PLXNC1: variants seen among roughly 807,000 people sequenced by gnomAD.
PLXNC1 encodes the protein plexin-C1.
PLXNC1 carries 75 observed loss-of-function variants against 178.2 expected under a neutral mutation model. That is an observed-to-expected ratio of 0.42 (90% confidence interval 0.35 to 0.51). The LOEUF is 0.51. PLXNC1 is among the 20% of genes least tolerant of loss of function. PLXNC1 has a pLI of 0.02. For synonymous variants in PLXNC1, 790 were observed against 779.9 expected, an observed-to-expected ratio of 1.01 and a Z score of -0.22; for missense variants, 1,503 against 1,984.4, an observed-to-expected ratio of 0.76 and a Z score of 4.61.
intron 4 of PLXNC1, among the ~76,000 whole-genome samples, chr12:94,207,232 TTA>T (rs558392025): frequency 6.6e-6 from 1 of 152,074 alleles, no homozygotes; most frequent in African/African-American, 2.4e-5. Context: ...GGTTGTTTTT[TTA>T]TATATATATA....
intron 9 of PLXNC1, among the ~76,000 whole-genome samples, chr12:94,229,818 A>T (rs901805399): frequency 3.3e-5 from 5 of 152,216 alleles, no homozygotes; most frequent in African/African-American, 1.2e-4. Flanking sequence ...TAAATTTTGA[A>T]ATCAGGAAAT....
chr12:94,196,242 C>T (rs1962908078), intron 4 of PLXNC1, among the ~76,000 whole-genome samples: 1 of 152,134 alleles, frequency 6.6e-6, no homozygotes, highest in African/African-American at 2.4e-5. Context: ...GAAATGTGAC[C>T]TCCAGTACTG....
chr12:94,253,428 A>C (rs1236284010), intron 15 of PLXNC1, among the ~76,000 whole-genome samples: 2 of 152,120 alleles, frequency 1.3e-5, no homozygotes, highest in African/African-American at 2.4e-5. Context: ...GCTAGAAAAA[A>C]ATGAGCCTTT....
intron 23 of PLXNC1, among the ~76,000 whole-genome samples, chr12:94,292,526 A>G (rs1967441120): frequency 6.6e-6 from 1 of 152,240 alleles, no homozygotes; most frequent in African/African-American, 2.4e-5. Context: ...AAAAAATGTC[A>G]CAGGTTGAAT....
intron 26 of PLXNC1, 127 bp from the exon 27 acceptor site, chr12:94,298,505 T>G (rs1270191068): frequency 7.8e-6 from 6 of 773,328 alleles, no homozygotes; most frequent in Non-Finnish European, 1.2e-5. Flanking sequence ...TACATTTTTC[T>G]CTTCAGTTTG....
intron 10 of PLXNC1, among the ~76,000 whole-genome samples, chr12:94,239,833 G>A (rs1257355690): frequency 2.0e-5 from 3 of 152,210 alleles, no homozygotes; most frequent in Non-Finnish European, 4.4e-5. Flanking sequence ...TGGGCTCTTG[G>A]TTTAGGCCCC....
At chr12:94,206,596 A>G (rs913582306) in intron 4 of PLXNC1, among the ~76,000 whole-genome samples, 11 of 151,962 alleles carry the variant, frequency 7.2e-5, no homozygotes, top group African/African-American at 2.7e-4. Context: ...TCATGAAAGT[A>G]TTAGCTCTAA....
Position 94,240,544 on chromosome 12 carries a change from G to T in PLXNC1, c.2180G>T (p.Arg727Leu). ...ATGAAATTCTCTCTTCCATCAAGCC[G>T]GAAAGAAATGAAGGATGTGTGTATC... ...THMKFSLPSS[R>L]KEMKDVCIQF... The change falls in exon 11 of 31, where the codon CGG becomes CTG. Residue 727 changes from arginine (R) to leucine (L), a missense_variant. Physicochemically the swap from Arg to Leu is moderately radical, Grantham distance 102 (BLOSUM62 -2). Around this residue, in one of 4 missense-constraint regions of PLXNC1, gnomAD observed 615 missense variants for 698.6 expected, o/e 0.88. Transcript: ENST00000258526. 6.2e-7 allele frequency: 1 copy of T among 1,613,926 alleles called. No individual in the cohort carries two copies. The highest frequency in any genetic ancestry group is 1.7e-4 in the Middle Eastern group (1 of 6,058).
intron 1 of PLXNC1, among the ~76,000 whole-genome samples, chr12:94,168,759 A>C (rs942841959): frequency 6.6e-6 from 1 of 152,240 alleles, no homozygotes; most frequent in African/African-American, 2.4e-5. Context: ...CACAGAAGCC[A>C]ACGCCTAGCT....
At chr12:94,194,461 C>A (rs1962841911) in intron 4 of PLXNC1, among the ~76,000 whole-genome samples, 2 of 152,058 alleles carry the variant, frequency 1.3e-5, no homozygotes, top group Admixed American at 1.3e-4. Context: ...CCAGGTATTG[C>A]AAAAAAGTGC....
At chr12:94,222,113 T>G (rs1279538316) in intron 6 of PLXNC1, among the ~76,000 whole-genome samples, 1 of 152,224 alleles carries the variant, frequency 6.6e-6, no homozygotes, top group Non-Finnish European at 1.5e-5. Flanking sequence ...TTGTCCACAC[T>G]GTGCAGCCTT....
At chr12:94,299,159 G>A (rs534498018) in intron 27 of PLXNC1, among the ~76,000 whole-genome samples, 102 of 152,150 alleles carry the variant, frequency 6.7e-4, no homozygotes, top group African/African-American at 2.4e-3. Flanking sequence ...GTTCCTAATC[G>A]GTTACTTTGC....
At chr12:94,298,534 A>G (rs777500145) in intron 26 of PLXNC1, 98 bp from the exon 27 acceptor site, 1 of 1,015,794 alleles carries the variant, frequency 9.8e-7, no homozygotes, top group Admixed American at 2.9e-5. Flanking sequence ...TGTTTTGAAC[A>G]TTATTTTCTC....
rs1968940998 is a variant in PLXNC1 at position 94,305,774 on chromosome 12, A to C, written c.*489A>C. The C allele has an allele frequency of 6.5e-6, 1 of 153,002 alleles. No homozygotes were observed. The highest frequency in any genetic ancestry group is 2.4e-5 in the African/African-American group (1 of 41,470). 9.5% of individuals were successfully genotyped at this position (153,002 alleles called of 1,614,324 possible). A position where few individuals can be genotyped will look rare whatever the true frequency, so the allele number is the denominator to read the frequency against. The stretch of plus-strand genomic sequence containing the variant: ...GATTTGCAGCATTGAAACTTTCCCC[A>C]GTAGTTCTTGGAAAAGCTGACCGCA... On this transcript the variant is annotated 3_prime_UTR_variant, in exon 31 of 31. Transcript: ENST00000258526.
At chr12:94,207,270 C>T (rs953744302) in intron 4 of PLXNC1, among the ~76,000 whole-genome samples, 2 of 151,562 alleles carry the variant, frequency 1.3e-5, no homozygotes, top group African/African-American at 4.9e-5. Context: ...TGTTTAGTTG[C>T]TTAACATGGT....
intron 2 of PLXNC1, among the ~76,000 whole-genome samples, chr12:94,171,557 C>A (rs1303697521): frequency 6.6e-6 from 1 of 152,140 alleles, no homozygotes; most frequent in Non-Finnish European, 1.5e-5. Flanking sequence ...GGGATTTGAA[C>A]CTGGAATGAC....
intron 14 of PLXNC1, among the ~76,000 whole-genome samples, chr12:94,249,450 T>C (rs1441954441): frequency 6.6e-6 from 1 of 152,156 alleles, no homozygotes; most frequent in Non-Finnish European, 1.5e-5. Context: ...GGCTGGCTGG[T>C]CCCAAACTCC....
At chr12:94,158,725 C>G (rs2361356) in intron 1 of PLXNC1, among the ~76,000 whole-genome samples, 3 of 152,066 alleles carry the variant, frequency 2.0e-5, no homozygotes, top group Non-Finnish European at 2.9e-5. Flanking sequence ...CGCTTGAGCC[C>G]GGGAGTTAAA....
At position 94,260,224 on chromosome 12, in the gene PLXNC1, TTTG is replaced by T. The variant is rs1964956696; in HGVS notation, c.3252-407_3252-405del. Among the ~76,000 whole-genome samples the T allele has an allele frequency of 6.6e-6, 1 of 151,874 alleles. No homozygotes were observed. The highest frequency in any genetic ancestry group is 6.6e-5 in the Admixed American group (1 of 15,240). On this transcript the variant is annotated intron_variant, in intron 19 of 30. Transcript: ENST00000258526. This position sits in a 1 kb window ranked among gnomAD's most constrained non-coding sequence, Gnocchi z 4.4. Reference sequence around the variant, plus strand: ...GCATGCCACCACACCCAGCTAATGTTTTGTTGTTGTTGTAGTAGAGATGGGGTC... The same window carrying T: ...GCATGCCACCACACCCAGCTAATGTTTTGTTGTTGTAGTAGAGATGGGGTC...
Sources: allele counts gnomAD v4.1 joint callset (sites outside exome capture counted in the v4.1 genomes callset), GRCh38; gene constraint gnomAD v4.1.1; regional missense constraint gnomAD v4.1.1; non-coding constraint Gnocchi (gnomAD v3.1); transcripts MANE v1.5; gene names NCBI Gene and HGNC (gene_info 2026-07-23, HGNC 2026-07-21).